Variants in RBFOX3 observed in about 807,000 individuals in gnomAD.
RBFOX3 encodes the protein RNA binding fox-1 homolog 3.
RBFOX3 carries 17 observed loss-of-function variants against 48.7 expected under a neutral mutation model. The ratio of observed to expected loss-of-function variants is 0.35; its 90% CI spans 0.24 to 0.52. The LOEUF (loss-of-function observed/expected upper bound fraction) is 0.52, where lower values mean the gene tolerates loss of function less well. RBFOX3 is among the 20% of genes least tolerant of loss of function. The pLI is 0.94. For missense variants in RBFOX3, 382 were observed against 497.5 expected, an observed-to-expected ratio of 0.77 and a Z score of 2.21; for synonymous variants, 212 against 209.5, an observed-to-expected ratio of 1.01 and a Z score of -0.10.
At chr17:79,541,492 G>A (rs1022036273) in intron 1 of RBFOX3, among the ~76,000 whole-genome samples, 86 of 152,310 alleles carry the variant, frequency 5.6e-4, no homozygotes, top group African/African-American at 2.0e-3. Context: ...GTCTGTGGCC[G>A]GCAGCGGGTC....
chr17:79,140,531 C>T (rs926994463), intron 4 of RBFOX3, among the ~76,000 whole-genome samples: 1 of 152,238 alleles, frequency 6.6e-6, no homozygotes, highest in African/African-American at 2.4e-5. Flanking sequence ...TCACGATGGC[C>T]CAGGCGGTGA....
chr17:79,307,619 A>G (rs1034106388), intron 3 of RBFOX3, 105 bp downstream of exon 3: 8 of 153,790 alleles, frequency 5.2e-5, no homozygotes, highest in African/African-American at 1.9e-4. Context: ...ACCCTCACGC[A>G]TCGTTCCCCA....
At chr17:79,611,130 T>TTCTCTCTCTCTCTCCCTCTCTC (rs2093961175), upstream of RBFOX3, among the ~76,000 whole-genome samples, 1 of 37,816 alleles carries the variant, frequency 2.6e-5, no homozygotes, top group Non-Finnish European at 4.3e-5. Flanking sequence ...TCCGCCCTCC[T>TTCTCTCTCTCTCTCCCTCTCTC]TCTCTCTCTC....
chr17:79,149,683 C>T (rs1013197766), intron 4 of RBFOX3, among the ~76,000 whole-genome samples: 17 of 151,874 alleles, frequency 1.1e-4, no homozygotes, highest in African/African-American at 3.9e-4. Flanking sequence ...CATGCCCGCC[C>T]GCTCAGGCCT....
intron 1 of RBFOX3, among the ~76,000 whole-genome samples, chr17:79,511,902 A>C (rs1194226774): frequency 6.9e-6 from 1 of 145,008 alleles, no homozygotes; most frequent in Non-Finnish European, 1.5e-5. Flanking sequence ...GTACAGCCCC[A>C]TGGCCAGGGG....
chr17:79,528,124 TGAG>T (rs2087060062), intron 1 of RBFOX3, among the ~76,000 whole-genome samples: 1 of 152,100 alleles, frequency 6.6e-6, no homozygotes. Context: ...GAGGTATCTC[TGAG>T]GAGGATCTTA....
rs533489032 is a variant in RBFOX3 at position 79,362,661 on chromosome 17, G to A, written c.-174-54837C>T. Among the ~76,000 whole-genome samples, 1 of 152,232 alleles carries A rather than the reference G, an allele frequency of 6.6e-6. No homozygotes were observed. The highest frequency in any genetic ancestry group is 1.9e-4 in the East Asian group (1 of 5,188). Reference sequence around the variant, plus strand: ...ATGAGAGCCGGCCTGCCGGGCAATTGCTTCCTGTGACGGAGCCAGTTACTG... The same window carrying A: ...ATGAGAGCCGGCCTGCCGGGCAATTACTTCCTGTGACGGAGCCAGTTACTG... On this transcript the variant is annotated intron_variant, in intron 2 of 14. Transcript: ENST00000693108. The surrounding 1 kb of genome is among the most constrained non-coding windows in gnomAD (Gnocchi z 4.2).
intron 1 of RBFOX3, among the ~76,000 whole-genome samples, chr17:79,532,203 G>T (rs1157922446): frequency 4.6e-5 from 7 of 152,262 alleles, no homozygotes; most frequent in African/African-American, 1.7e-4. Context: ...CACTGGAGGG[G>T]GGAGGGGAGG....
At chr17:79,616,273 C>T in the RBFOX3 span, among the ~76,000 whole-genome samples, 5 of 152,102 alleles carry the variant, frequency 3.3e-5, no homozygotes, top group East Asian at 7.7e-4. Context: ...CGGTGGCTCA[C>T]ACCTGTATTC....
chr17:79,531,756 G>A (rs917350626), intron 1 of RBFOX3, among the ~76,000 whole-genome samples: 4 of 152,340 alleles, frequency 2.6e-5, no homozygotes, highest in Middle Eastern at 3.4e-3. Context: ...CGGGAATCTA[G>A]AAACGAAAGA....
intron 3 of RBFOX3, among the ~76,000 whole-genome samples, chr17:79,273,980 T>C (rs73408722): frequency 0.034 from 5,226 of 152,254 alleles, 288 homozygotes; most frequent in African/African-American, 0.12. Context: ...AGCACAGGTG[T>C]GCCCCAGATT....
At chr17:79,404,717 C>T (rs2063325577) in intron 2 of RBFOX3, among the ~76,000 whole-genome samples, 1 of 152,230 alleles carries the variant, frequency 6.6e-6, no homozygotes, top group African/African-American at 2.4e-5. Flanking sequence ...GCCTCCCTCC[C>T]CCAAGAACCA....
intron 4 of RBFOX3, among the ~76,000 whole-genome samples, chr17:79,192,814 G>A (rs111720015): frequency 0.014 from 2,194 of 152,296 alleles, 27 homozygotes; most frequent in Non-Finnish European, 0.021. Context: ...CCCTGCTGAT[G>A]GCCACCTTTT....
chr17:79,102,861 G>A (rs1015524409), intron 8 of RBFOX3, among the ~76,000 whole-genome samples: 3 of 152,220 alleles, frequency 2.0e-5, no homozygotes, highest in Non-Finnish European at 4.4e-5. Flanking sequence ...AAGCTGCCAA[G>A]CCCCAAATAC....
intron 2 of RBFOX3, among the ~76,000 whole-genome samples, chr17:79,458,091 T>C (rs2074823670): frequency 6.6e-6 from 1 of 151,998 alleles, no homozygotes; most frequent in Admixed American, 6.6e-5. Context: ...CCTCCCCAGG[T>C]GGGTAACAGA....
intron 1 of RBFOX3, among the ~76,000 whole-genome samples, chr17:79,561,582 T>G (rs1024432415): frequency 6.6e-6 from 1 of 152,092 alleles, no homozygotes; most frequent in Non-Finnish European, 1.5e-5. Flanking sequence ...CCGCTGAAAC[T>G]GAAAAGCGGT....
At chr17:79,442,722 T>C (rs899702691) in intron 2 of RBFOX3, among the ~76,000 whole-genome samples, 2 of 151,746 alleles carry the variant, frequency 1.3e-5, no homozygotes, top group Non-Finnish European at 2.9e-5. Context: ...CTATTAATAA[T>C]TGCCAGAGGA....
Position 79,242,657 on chromosome 17 carries a change from C to T in RBFOX3, c.-73-6852G>A, listed in dbSNP as rs573974083. 1.6e-4 allele frequency among the ~76,000 whole-genome samples: 25 copies of T among 151,958 alleles called. No homozygotes were observed. The highest frequency in any genetic ancestry group is 2.4e-4 in the Non-Finnish European group (16 of 67,984). ...CATAAACTGTCACCATTAGGGAGACCGGGGAGTTCTGGCAGGTTCTGGCCA... is the reference window on the plus strand; with the variant it reads ...CATAAACTGTCACCATTAGGGAGACTGGGGAGTTCTGGCAGGTTCTGGCCA... On this transcript the variant is annotated intron_variant, in intron 3 of 14. Transcript: ENST00000693108. The surrounding 1 kb of genome is among the most constrained non-coding windows in gnomAD (Gnocchi z 5.8).
chr17:79,595,086 T>C (rs1035642916), intron 1 of RBFOX3, among the ~76,000 whole-genome samples: 1 of 151,740 alleles, frequency 6.6e-6, no homozygotes, highest in African/African-American at 2.4e-5. Flanking sequence ...GGGATGACGC[T>C]CCCCATCCCA....
Sources: gnomAD v4.1 joint callset for allele counts (sites outside exome capture counted in the v4.1 genomes callset) on GRCh38, gnomAD v4.1.1 for gene constraint, Gnocchi (gnomAD v3.1) non-coding constraint, MANE v1.5 for transcripts, NCBI Gene and HGNC (gene_info 2026-07-23, HGNC 2026-07-21) for gene names.